The following MAP3K20 variants were observed in gnomAD, a reference collection of about 807,000 sequenced individuals.
The protein encoded by MAP3K20 is mitogen-activated protein kinase kinase kinase 20, also known as HCCS-4.
In MAP3K20, 40 loss-of-function variants were observed where a neutral mutation model predicts 85.7. The ratio of observed to expected loss-of-function variants is 0.47; its 90% CI spans 0.36 to 0.61. The LOEUF (loss-of-function observed/expected upper bound fraction) is 0.61. Among genes scored for constraint, MAP3K20 ranks in the 20% least tolerant of loss-of-function variants. MAP3K20 has a pLI of 0.00. For synonymous variants in MAP3K20, 325 were observed against 327.7 expected (o/e 0.99, Z 0.09); for missense variants, 817 against 961.7 (o/e 0.85, Z 1.99).
chr2:173,134,412 A>ATTTTTT (rs1559246011), intron 2 of MAP3K20, among the ~76,000 whole-genome samples: 2 of 5,658 alleles, frequency 3.5e-4, no homozygotes, highest in South Asian at 3.8e-3. Context: ...ATATATATAT[A>ATTTTTT]TATATATATA....
Position 173,266,777 on chromosome 2 carries a change from G to C in MAP3K20, c.*27G>C. 3 of 1,128,084 alleles carry C rather than the reference G, an allele frequency of 2.7e-6. No homozygotes were observed. The highest frequency in any genetic ancestry group is 3.5e-6 in the Non-Finnish European group (3 of 855,576). The allele number at this position is 1,128,084 out of a possible 1,614,324, so 69.9% of individuals were successfully genotyped here. A position where few individuals can be genotyped will look rare whatever the true frequency, so the allele number is the denominator to read the frequency against. On this transcript the variant is annotated 3_prime_UTR_variant, in exon 20 of 20. Transcript: ENST00000375213. ...GAATTGAACTACATAGCTTTTCTAA[G>C]CAGGTTAAAAAAAAAAAAAAAAAGA...
chr2:173,184,185 A>G (rs1690416742), intron 4 of MAP3K20, among the ~76,000 whole-genome samples: 2 of 152,238 alleles, frequency 1.3e-5, no homozygotes, highest in African/African-American at 2.4e-5. Context: ...GTAGAACACA[A>G]GGACCAGCTC....
chr2:173,180,107 C>T (rs1036310163), intron 3 of MAP3K20, among the ~76,000 whole-genome samples: 1 of 152,060 alleles, frequency 6.6e-6, no homozygotes, highest in African/African-American at 2.4e-5. Context: ...TAGAAATTAA[C>T]AAGCCAATCC....
At chr2:173,248,312 C>T (rs1356132811) in intron 16 of MAP3K20, among the ~76,000 whole-genome samples, 4 of 152,040 alleles carry the variant, frequency 2.6e-5, no homozygotes, top group South Asian at 2.1e-4. Flanking sequence ...GGTTGAGCCC[C>T]GTCCCTACCC....
intron 11 of MAP3K20, among the ~76,000 whole-genome samples, chr2:173,219,417 T>G (rs1017003067): frequency 1.3e-5 from 2 of 152,216 alleles, no homozygotes; most frequent in African/African-American, 4.8e-5. Context: ...TGAAGCTTGA[T>G]GTAAACTTTT....
In MAP3K20 at chr2:173,075,868, G is replaced by A; in HGVS notation, c.-169G>A. 1 of 985,256 alleles carries A rather than the reference G, an allele frequency of 1.0e-6. No individual in the cohort carries two copies. Among genetic ancestry groups the A allele is most frequent in the Non-Finnish European group, 1.2e-6 (1 of 829,894 alleles). 61.0% of individuals were successfully genotyped at this position (985,256 alleles called of 1,614,324 possible). A position where few individuals can be genotyped will look rare whatever the true frequency, so the allele number is the denominator to read the frequency against. ...TTCCTCATTGGCGCCGTGCAGAGAG[G>A]CGGAATGTTCAACTCCTAACTGCAG... On this transcript the variant is annotated 5_prime_UTR_variant, in exon 1 of 20. Coordinates refer to ENST00000375213, the MANE Select transcript of MAP3K20 (RefSeq NM_016653.3).
intron 11 of MAP3K20, chr2:173,225,898 A>AT: frequency 1.0e-6 from 1 of 975,404 alleles, no homozygotes; most frequent in Non-Finnish European, 1.2e-6. Flanking sequence ...CATTACACTG[A>AT]TTCCACAATT....
intron 11 of MAP3K20, among the ~76,000 whole-genome samples, chr2:173,227,358 C>T (rs990893297): frequency 6.6e-6 from 1 of 152,024 alleles, no homozygotes; most frequent in African/African-American, 2.4e-5. Flanking sequence ...GCTTAGAACT[C>T]ATCCTACAGC....
At chr2:173,134,403 TATATATATA>T (rs1688720541) in intron 2 of MAP3K20, among the ~76,000 whole-genome samples, 1 of 9,910 alleles carries the variant, frequency 1.0e-4, no homozygotes, top group Non-Finnish European at 2.3e-4. Flanking sequence ...CATATATATA[TATATATATA>T]TATATATATA....
intron 16 of MAP3K20, among the ~76,000 whole-genome samples, chr2:173,242,237 G>A (rs1363271717): frequency 6.6e-6 from 1 of 151,070 alleles, no homozygotes. Flanking sequence ...GTACAATGGC[G>A]CGATCTCGGC....
intron 16 of MAP3K20, among the ~76,000 whole-genome samples, chr2:173,243,497 A>G (rs1211140983): frequency 1.3e-5 from 2 of 152,212 alleles, no homozygotes; most frequent in Non-Finnish European, 2.9e-5. Flanking sequence ...ACCTTGGAAC[A>G]GGGGGATGCC....
chr2:173,078,677 C>T lies in MAP3K20; in HGVS notation c.-35+2675C>T, dbSNP rs73971693. Reference sequence around the variant, plus strand: ...GAGAACAAAGCAGCCCCACATTTGACACCCTAACCCCAGTGTCTTCAATTG... The same window carrying T: ...GAGAACAAAGCAGCCCCACATTTGATACCCTAACCCCAGTGTCTTCAATTG... On this transcript the variant is annotated intron_variant, in intron 1 of 19. Transcript: ENST00000375213. Among the ~76,000 whole-genome samples the T allele has an allele frequency of 1.0e-2, 1,523 of 152,316 alleles. 25 individuals are homozygous for T. Among genetic ancestry groups the T allele is most frequent in the African/African-American group, 0.032 (1,334 of 41,566 alleles).
At chr2:173,215,414 T>TTTG (rs200760255) in intron 10 of MAP3K20, among the ~76,000 whole-genome samples, 1,602 of 152,344 alleles carry the variant, frequency 0.011, 18 homozygotes, top group Middle Eastern at 0.02. Flanking sequence ...AAATAAAAAC[T>TTTG]TTGTTTACGT....
chr2:173,180,833 CAA>C (rs1158812522), intron 3 of MAP3K20, among the ~76,000 whole-genome samples: 2 of 152,120 alleles, frequency 1.3e-5, no homozygotes, highest in African/African-American at 4.8e-5. Flanking sequence ...TGGGGTTAAG[CAA>C]AGAGTTCTTA....
chr2:173,202,420 G>A (rs1037842571), intron 8 of MAP3K20, among the ~76,000 whole-genome samples: 2 of 152,102 alleles, frequency 1.3e-5, no homozygotes, highest in Non-Finnish European at 2.9e-5. Context: ...TCAGTTTTAA[G>A]TTTTTTATTT....
At chr2:173,156,136 A>T (rs1022817575) in intron 2 of MAP3K20, among the ~76,000 whole-genome samples, 1 of 152,200 alleles carries the variant, frequency 6.6e-6, no homozygotes, top group African/African-American at 2.4e-5. Context: ...AACCTCGAGG[A>T]TGTAAGCCAG....
At chr2:173,241,229 G>T (rs1383715113) in intron 16 of MAP3K20, among the ~76,000 whole-genome samples, 1 of 152,152 alleles carries the variant, frequency 6.6e-6, no homozygotes, top group African/African-American at 2.4e-5. Flanking sequence ...TTAAAAGAGT[G>T]GAACTGGGAT....
At chr2:173,107,787 G>A (rs549218867) in intron 2 of MAP3K20, among the ~76,000 whole-genome samples, 30 of 152,104 alleles carry the variant, frequency 2.0e-4, no homozygotes, top group Non-Finnish European at 3.8e-4. Flanking sequence ...GCTATTGTGA[G>A]GACCACATGA....
chr2:173,212,619 C>T (rs982766977), intron 10 of MAP3K20: 2 of 151,974 alleles, frequency 1.3e-5, no homozygotes, highest in African/African-American at 4.8e-5. Flanking sequence ...GCAACGTAGA[C>T]CTCATCTCTA....
Sources: allele counts gnomAD v4.1 joint callset (sites outside exome capture counted in the v4.1 genomes callset), GRCh38; gene constraint gnomAD v4.1.1; transcripts MANE v1.5; gene names NCBI Gene and HGNC (gene_info 2026-07-23, HGNC 2026-07-21).